NLGN1: variants seen among roughly 807,000 people sequenced by gnomAD.
NLGN1 encodes the protein neuroligin-1.
NLGN1 carries 12 observed loss-of-function variants against 65.5 expected under a neutral mutation model. The ratio of observed to expected loss-of-function variants is 0.18; its 90% CI spans 0.12 to 0.30. The LOEUF is 0.30. Among genes scored for constraint, NLGN1 ranks in the 10% least tolerant of loss-of-function variants. The pLI is 1.00. For synonymous variants in NLGN1, 350 were observed against 359.5 expected (o/e 0.97, Z 0.30); for missense variants, 750 against 1,007.1 (o/e 0.74, Z 3.46).
intron 2 of NLGN1, among the ~76,000 whole-genome samples, chr3:173,498,952 T>G (rs929252256): frequency 1.3e-5 from 2 of 151,670 alleles, no homozygotes; most frequent in African/African-American, 4.9e-5. Context: ...TTCTGGATAT[T>G]AGCCCTTTGT....
intron 2 of NLGN1, among the ~76,000 whole-genome samples, chr3:173,523,761 A>G (rs1199744039): frequency 6.6e-6 from 1 of 151,416 alleles, no homozygotes; most frequent in Non-Finnish European, 1.5e-5. Flanking sequence ...TACATATGAA[A>G]TTTTTGATTG....
At chr3:173,979,065 A>T (rs1718188841) in intron 4 of NLGN1, among the ~76,000 whole-genome samples, 1 of 151,908 alleles carries the variant, frequency 6.6e-6, no homozygotes, top group African/African-American at 2.4e-5. Context: ...AACTGAGTAC[A>T]TTGGTGATCT....
intron 4 of NLGN1, among the ~76,000 whole-genome samples, chr3:174,067,994 G>A (rs1393243526): frequency 1.3e-5 from 2 of 152,168 alleles, no homozygotes; most frequent in African/African-American, 2.4e-5. Flanking sequence ...AAACTGGGAA[G>A]TAGGTGAGGC....
chr3:174,130,110 C>T lies in NLGN1; in HGVS notation c.647-145205C>T, dbSNP rs1175879141. Among the ~76,000 whole-genome samples, 3 of 152,200 alleles carry T rather than the reference C, an allele frequency of 2.0e-5. No homozygotes were observed. In the East Asian group the frequency reaches 5.8e-4, roughly 29 times the overall value. ...GTATAGAAGGCCGGGCATGGTGGCC[C>T]TCGCCTGTAATCCCAGCCCTTTGGG... On this transcript the variant is annotated intron_variant, in intron 4 of 6. Transcript: ENST00000457714.
At chr3:173,885,272 A>T (rs1734121151) in intron 4 of NLGN1, among the ~76,000 whole-genome samples, 1 of 152,162 alleles carries the variant, frequency 6.6e-6, no homozygotes, top group Non-Finnish European at 1.5e-5. Flanking sequence ...CACAGTTTAG[A>T]ACATATTCAT....
At chr3:174,261,821 T>G (rs2152859803) in intron 4 of NLGN1, among the ~76,000 whole-genome samples, 1 of 149,840 alleles carries the variant, frequency 6.7e-6, no homozygotes. Flanking sequence ...GCTGTGGGGT[T>G]GTCATAGATA....
chr3:173,834,602 G>A (rs904540278), intron 4 of NLGN1, among the ~76,000 whole-genome samples: 16 of 151,918 alleles, frequency 1.1e-4, no homozygotes, highest in African/African-American at 3.9e-4. Flanking sequence ...TACCACTTAG[G>A]GTACATTATA....
intron 4 of NLGN1, among the ~76,000 whole-genome samples, chr3:173,919,602 C>T (rs902817363): frequency 6.6e-6 from 1 of 152,138 alleles, no homozygotes; most frequent in Admixed American, 6.5e-5. Context: ...AAAATCCACA[C>T]TCTTAACTAG....
intron 2 of NLGN1, among the ~76,000 whole-genome samples, chr3:173,495,288 G>C (rs1729817110): frequency 6.6e-6 from 1 of 151,376 alleles, no homozygotes; most frequent in South Asian, 2.1e-4. Flanking sequence ...AGTTCAGTGG[G>C]TTTCTCCTGG....
chr3:173,744,732 A>G (rs1381156125), intron 3 of NLGN1, among the ~76,000 whole-genome samples: 1 of 152,054 alleles, frequency 6.6e-6, no homozygotes, highest in Admixed American at 6.6e-5. Flanking sequence ...TATGTATCAC[A>G]TCCTTATCTT....
At chr3:173,975,505 A>C (rs1360052954) in intron 4 of NLGN1, among the ~76,000 whole-genome samples, 1 of 152,028 alleles carries the variant, frequency 6.6e-6, no homozygotes, top group Non-Finnish European at 1.5e-5. Flanking sequence ...AAGGAAGGTG[A>C]ATACCTTAAT....
At chr3:173,768,923 C>T (rs373011402) in intron 3 of NLGN1, among the ~76,000 whole-genome samples, 6 of 152,084 alleles carry the variant, frequency 3.9e-5, no homozygotes, top group East Asian at 3.9e-4. Context: ...ACTACAGGCA[C>T]GTACCACCAC....
At chr3:173,771,878 A>C (rs1005661025) in intron 3 of NLGN1, among the ~76,000 whole-genome samples, 1 of 151,916 alleles carries the variant, frequency 6.6e-6, no homozygotes, top group Admixed American at 6.6e-5. Context: ...ATACATATAC[A>C]TGCATCTATA....
At chr3:173,542,011 T>C (rs1014769430) in intron 2 of NLGN1, among the ~76,000 whole-genome samples, 4 of 152,170 alleles carry the variant, frequency 2.6e-5, no homozygotes, top group Admixed American at 2.6e-4. Flanking sequence ...ACTACATCCA[T>C]CCCTCCCCTT....
intron 4 of NLGN1, among the ~76,000 whole-genome samples, chr3:174,019,005 A>G (rs139036849): frequency 1.2e-3 from 188 of 152,224 alleles, no homozygotes; most frequent in African/African-American, 4.4e-3. Flanking sequence ...GATCACAACA[A>G]TGTTCATTGT....
chr3:173,438,040 A>AGATTTATT (rs1666797622), intron 2 of NLGN1, among the ~76,000 whole-genome samples: 1 of 152,004 alleles, frequency 6.6e-6, no homozygotes, highest in African/African-American at 2.4e-5. Flanking sequence ...TTAACATTGC[A>AGATTTATT]GATTTATTAT....
chr3:173,646,978 A>G (rs1758370342), intron 3 of NLGN1, among the ~76,000 whole-genome samples: 1 of 152,168 alleles, frequency 6.6e-6, no homozygotes, highest in Non-Finnish European at 1.5e-5. Context: ...ACAGGTTAAA[A>G]GTAACAGAAT....
intron 4 of NLGN1, among the ~76,000 whole-genome samples, chr3:173,900,232 G>A (rs776850350): frequency 1.8e-4 from 28 of 152,080 alleles, no homozygotes; most frequent in Admixed American, 5.9e-4. Context: ...AATGTGCCAA[G>A]TTTTATAAAC....
intron 2 of NLGN1, among the ~76,000 whole-genome samples, chr3:173,551,122 G>T (rs1323070915): frequency 1.3e-5 from 2 of 152,096 alleles, no homozygotes; most frequent in African/African-American, 4.8e-5. Flanking sequence ...CGGTGGAGAA[G>T]TCACAGATTA....
Sources: gnomAD v4.1 joint callset for allele counts (sites outside exome capture counted in the v4.1 genomes callset) on GRCh38, gnomAD v4.1.1 for gene constraint, MANE v1.5 for transcripts, NCBI Gene and HGNC (gene_info 2026-07-23, HGNC 2026-07-21) for gene names.